Variants in PCLO observed in about 807,000 individuals in gnomAD.
PCLO encodes the protein protein piccolo.
Under a neutral mutation model 427.5 loss-of-function variants are expected in PCLO, and 82 were observed. The observed-to-expected ratio is 0.19, with a 90% CI of 0.16 to 0.23. The LOEUF (loss-of-function observed/expected upper bound fraction) is 0.23. PCLO is among the 10% of genes least tolerant of loss of function. The probability of loss-of-function intolerance (pLI) is 1.00; values close to 1 mark genes in which losing one functional copy is unlikely to be tolerated. For synonymous variants in PCLO, 2,357 were observed against 2,155.4 expected (o/e 1.09, Z -2.59); for missense variants, 6,239 against 6,115.9 (o/e 1.02, Z -0.67).
chr7:82,849,749 G>A (rs1792600493), intron 10 of PCLO, among the ~76,000 whole-genome samples: 1 of 152,016 alleles, frequency 6.6e-6, no homozygotes, highest in African/African-American at 2.4e-5. Flanking sequence ...ATTATGATCT[G>A]TGGATGTTCA....
chr7:83,054,257 C>G (rs1789322794), intron 3 of PCLO, among the ~76,000 whole-genome samples: 1 of 152,012 alleles, frequency 6.6e-6, no homozygotes. Flanking sequence ...AGAAATGTTG[C>G]AAAACCAACA....
chr7:82,848,467 C>G (rs367690534), intron 10 of PCLO, among the ~76,000 whole-genome samples: 3 of 151,562 alleles, frequency 2.0e-5, no homozygotes, highest in East Asian at 3.9e-4. Flanking sequence ...TGCGCCACCA[C>G]GCCTGGCTAA....
chr7:82,968,938 G>T (rs979692620), intron 3 of PCLO, among the ~76,000 whole-genome samples: 2 of 152,138 alleles, frequency 1.3e-5, no homozygotes, highest in African/African-American at 4.8e-5. Context: ...CATAGGCTAT[G>T]TTCTAATATA....
intron 3 of PCLO, among the ~76,000 whole-genome samples, chr7:83,133,036 T>G (rs1018334561): frequency 6.6e-6 from 1 of 152,022 alleles, no homozygotes; most frequent in Non-Finnish European, 1.5e-5. Flanking sequence ...GTTAAAATTA[T>G]TCATCACAGC....
Position 82,951,497 on chromosome 7 carries a change from T to G in PCLO, c.9098-7A>C. ...GAATAATCCATTACCTCACCTGAAA[T>G]ACAGGGCAGAGTTATAGTCCAGTTC... On this transcript the variant is annotated splice_region_variant and splice_polypyrimidine_tract_variant and intron_variant, in intron 5 of 24. Transcript: ENST00000333891. The G allele has an allele frequency of 6.5e-7, 1 of 1,539,374 alleles. No homozygotes were observed. The highest frequency in any genetic ancestry group is 8.8e-7 in the Non-Finnish European group (1 of 1,133,520).
chr7:83,018,967 A>G (rs1788274977), intron 3 of PCLO, among the ~76,000 whole-genome samples: 1 of 152,124 alleles, frequency 6.6e-6, no homozygotes, highest in East Asian at 1.9e-4. Context: ...CCTTTTTGGA[A>G]GATAAAATAA....
Position 82,915,588 on chromosome 7 carries a change from C to A in PCLO, c.12398G>T (p.Arg4133Leu). 1 of 1,613,486 alleles carries A rather than the reference C, an allele frequency of 6.2e-7. No individual in the cohort carries two copies. The highest frequency in any genetic ancestry group is 8.5e-7 in the Non-Finnish European group (1 of 1,179,660). Residue 4133 changes from arginine (R) to leucine (L), a missense_variant, in exon 7 of 25, where the codon CGT (arginine) becomes CTT (leucine). Coordinates refer to ENST00000333891, the MANE Select transcript of PCLO (RefSeq NM_033026.6). ...GTGATCTAAGCTCTCTGTCCCTCTA[C>A]GAAATTCCTGTTTAATCTGATGTTT... The part of the protein sequence containing the change: ...LLKHQIKQEF[R>L]RGTESLDHLA...
intron 3 of PCLO, among the ~76,000 whole-genome samples, chr7:83,073,851 AATC>A (rs565217664): frequency 1.3e-5 from 2 of 151,306 alleles, no homozygotes; most frequent in African/African-American, 4.8e-5. Context: ...TTTTTATTGA[AATC>A]ATGATCATGC....
intron 17 of PCLO, among the ~76,000 whole-genome samples, chr7:82,827,466 T>A (rs1418142825): frequency 6.6e-6 from 1 of 152,074 alleles, no homozygotes; most frequent in African/African-American, 2.4e-5. Context: ...AAATATTGTC[T>A]AGTGGAGTAA....
intron 10 of PCLO, among the ~76,000 whole-genome samples, 156 bp from the exon 11 acceptor site, chr7:82,847,403 C>A (rs1792532026): frequency 6.6e-6 from 1 of 152,078 alleles, no homozygotes; most frequent in South Asian, 2.1e-4. Flanking sequence ...ATACCAAAAC[C>A]ATTATGTAGT....
In PCLO at chr7:82,956,919, T is replaced by G. The variant is rs1309061275; in HGVS notation, c.4034A>C (p.Lys1345Thr). Residue 1345 changes from lysine to threonine, a missense_variant, in exon 5 of 25, where the codon AAA becomes ACA. Physicochemically the swap from Lys to Thr is moderately conservative, Grantham distance 78 (BLOSUM62 -1). Around this residue, in one of 5 missense-constraint regions of PCLO, gnomAD observed 4,677 missense variants for 4,468.4 expected, o/e 1.05. Coordinates refer to ENST00000333891, the MANE Select transcript of PCLO (RefSeq NM_033026.6). ...CTGCTGAGAACTTGAGGTGTCTGAT[T>G]TGTCATCTTCCTTTTCCTAAGCAGG... ...GKEKTEKEDD[K>T]SDTSSSQQPK... 1.6e-5 allele frequency: 26 copies of G among 1,602,112 alleles called. No individual in the cohort carries two copies. The highest frequency in any genetic ancestry group is 2.2e-5 in the Non-Finnish European group (26 of 1,174,996).
intron 3 of PCLO, among the ~76,000 whole-genome samples, chr7:83,098,417 G>A (rs908966851): frequency 1.2e-4 from 19 of 152,032 alleles, no homozygotes; most frequent in Non-Finnish European, 2.1e-4. Context: ...AAAGACTTGC[G>A]ATAGACACCA....
Position 82,822,480 on chromosome 7 carries a change from A to G in PCLO, c.14791+15T>C. ...ATTAAGCTGCCATGCTGAGGAATTT[A>G]TTTGCGTCTTTTACTTGGTTGAATG... On this transcript the variant is annotated intron_variant, in intron 20 of 24. Coordinates refer to ENST00000333891, the MANE Select transcript of PCLO (RefSeq NM_033026.6). 6.2e-7 allele frequency: 1 copy of G among 1,613,820 alleles called. No individual in the cohort carries two copies. The highest frequency in any genetic ancestry group is 8.5e-7 in the Non-Finnish European group (1 of 1,179,848).
chr7:83,046,479 C>T (rs1789106000), intron 3 of PCLO, among the ~76,000 whole-genome samples: 1 of 151,804 alleles, frequency 6.6e-6, no homozygotes, highest in Admixed American at 6.6e-5. Flanking sequence ...ATTCTAGTTC[C>T]CCAGAACTTT....
intron 6 of PCLO, among the ~76,000 whole-genome samples, chr7:82,944,163 A>G (rs1795148103): frequency 6.6e-6 from 1 of 150,492 alleles, no homozygotes; most frequent in African/African-American, 2.4e-5. Flanking sequence ...AAAAAAAAAA[A>G]AGTAACATTG....
intron 6 of PCLO, among the ~76,000 whole-genome samples, chr7:82,939,558 T>C (rs1183321504): frequency 2.6e-5 from 4 of 151,198 alleles, no homozygotes; most frequent in Admixed American, 6.6e-5. Flanking sequence ...TTTTTTCCCA[T>C]TGGAAATATA....
rs1296617716 is a variant in PCLO, at chr7:83,162,610, G to GGCCGCCGCGCTCCCTCCTCGC, written c.-39_-19dup. On this transcript the variant is annotated 5_prime_UTR_variant, in exon 1 of 25. Coordinates refer to ENST00000333891, the MANE Select transcript of PCLO (RefSeq NM_033026.6). ...TTGCCCATGGCTCAGGGAGACTCGG[G>GGCCGCCGCGCTCCCTCCTCGC]GCCGCCGCGCTCCCTCCTCGCGCCG... is the stretch of plus-strand genomic sequence containing the variant. 18 of 1,520,160 alleles carry GGCCGCCGCGCTCCCTCCTCGC rather than the reference G, an allele frequency of 1.2e-5. No individual in the cohort carries two copies. The highest frequency in any genetic ancestry group is 1.5e-5 in the Non-Finnish European group (17 of 1,136,006). 94.2% of individuals were successfully genotyped at this position (1,520,160 alleles called of 1,614,324 possible). A position where few individuals can be genotyped will look rare whatever the true frequency, so the allele number is the denominator to read the frequency against.
chr7:82,843,682 G>C (rs75803263), intron 13 of PCLO, among the ~76,000 whole-genome samples: 1 of 67,710 alleles, frequency 1.5e-5, no homozygotes, highest in Non-Finnish European at 3.3e-5. Context: ...TTTTTTTTTT[G>C]GAGACAGAGT....
intron 7 of PCLO, among the ~76,000 whole-genome samples, chr7:82,912,044 G>A (rs556258795): frequency 6.6e-6 from 1 of 152,172 alleles, no homozygotes; most frequent in East Asian, 1.9e-4. Flanking sequence ...TATATCTAAT[G>A]ACTGTCTTAT....
Sources: allele counts gnomAD v4.1 joint callset (sites outside exome capture counted in the v4.1 genomes callset), GRCh38; gene constraint gnomAD v4.1.1; regional missense constraint gnomAD v4.1.1; transcripts MANE v1.5; gene names NCBI Gene and HGNC (gene_info 2026-07-23, HGNC 2026-07-21).